The following EBF1 variants were observed in gnomAD, a reference collection of about 807,000 sequenced individuals.
EBF1 encodes the protein EBF transcription factor 1, also known as transcription factor COE1.
A neutral mutation model predicts 68.4 loss-of-function variants in EBF1; 10 were observed. The observed-to-expected ratio is 0.15, with a 90% CI of 0.09 to 0.25. EBF1 has a LOEUF of 0.25. Among genes scored for constraint, EBF1 ranks in the 10% least tolerant of loss-of-function variants. EBF1 has a pLI of 1.00. For missense variants in EBF1, 509 were observed against 794.4 expected, an observed-to-expected ratio of 0.64 and a Z score of 4.32; for synonymous variants, 298 against 299.8, an observed-to-expected ratio of 0.99 and a Z score of 0.06.
Position 159,099,612 on chromosome 5 carries a change from A to G in EBF1, c.-134T>C, listed in dbSNP as rs1236769663. On this transcript the variant is annotated 5_prime_UTR_variant, in exon 1 of 16. Transcript: ENST00000313708. Reference sequence around the variant, plus strand: ...GATTTTTTTTTTTCTCAGACGATGAACTCGCACTTAGAAGATCAAGGCGGG... The same window carrying G: ...GATTTTTTTTTTTCTCAGACGATGAGCTCGCACTTAGAAGATCAAGGCGGG... The G allele has an allele frequency of 5.9e-5, 74 of 1,248,320 alleles. No homozygotes were observed. Among genetic ancestry groups the G allele is most frequent in the Non-Finnish European group, 7.8e-5 (74 of 942,930 alleles). The allele number at this position is 1,248,320 out of a possible 1,614,324, so 77.3% of individuals were successfully genotyped here.
intron 6 of EBF1, among the ~76,000 whole-genome samples, chr5:158,995,192 G>C (rs1761154626): frequency 6.6e-6 from 1 of 152,140 alleles, no homozygotes; most frequent in African/African-American, 2.4e-5. Context: ...CATGCCAGGT[G>C]CTACCCCAGA....
intron 8 of EBF1, among the ~76,000 whole-genome samples, chr5:158,805,735 C>T (rs1337047503): frequency 2.0e-5 from 3 of 151,610 alleles, no homozygotes; most frequent in Admixed American, 2.0e-4. Context: ...GATGTTTGCC[C>T]ACAAAGATAA....
chr5:158,825,501 AAAAC>A (rs1785882512), intron 7 of EBF1, among the ~76,000 whole-genome samples: 2 of 151,778 alleles, frequency 1.3e-5, no homozygotes, highest in Admixed American at 1.3e-4. Context: ...GGAAAAAAAA[AAAAC>A]AATGACAATT....
chr5:159,078,438 A>G (rs1240627064), intron 5 of EBF1, among the ~76,000 whole-genome samples: 1 of 152,226 alleles, frequency 6.6e-6, no homozygotes, highest in African/African-American at 2.4e-5. Context: ...TGACAGTGTT[A>G]ATAAAAGAAA....
At chr5:158,730,279 G>A (rs1763832923) in intron 11 of EBF1, among the ~76,000 whole-genome samples, 1 of 152,258 alleles carries the variant, frequency 6.6e-6, no homozygotes, top group Non-Finnish European at 1.5e-5. Context: ...CAGAACGTTG[G>A]TTGCACTTTT....
chr5:158,840,020 C>A lies in EBF1; in HGVS notation c.636+9G>T. On this transcript the variant is annotated intron_variant, in intron 7 of 15. Transcript: ENST00000313708. ...TTATTGAGATTCAAGAAAGATAAGT[C>A]AGACCCACCTGGAATCTCCGCATGT... is the stretch of plus-strand genomic sequence containing the variant. 6.2e-7 allele frequency: 1 copy of A among 1,613,254 alleles called. No homozygotes were observed. The highest frequency in any genetic ancestry group is 1.1e-5 in the South Asian group (1 of 91,014).
chr5:158,793,392 A>C (rs1561942699), intron 9 of EBF1, among the ~76,000 whole-genome samples: 1 of 152,206 alleles, frequency 6.6e-6, no homozygotes, highest in African/African-American at 2.4e-5. Context: ...AAAGGCACTC[A>C]TGTAATTTTA....
In EBF1 at chr5:159,087,357, C is replaced by T. The variant is rs533127588; in HGVS notation, c.412-2618G>A. Among the ~76,000 whole-genome samples, 1,217 of 140,838 alleles carry T rather than the reference C, an allele frequency of 8.6e-3. 15 individuals carry two copies. Among genetic ancestry groups the T allele is most frequent in the African/African-American group, 0.03 (1,113 of 37,326 alleles). The allele number at this position is 140,838 out of a possible 152,430, so 92.4% of individuals were successfully genotyped here. On this transcript the variant is annotated intron_variant, in intron 4 of 15. Coordinates refer to ENST00000313708, the MANE Select transcript of EBF1 (RefSeq NM_024007.5). ...ATATACACACACATATATATATACA[C>T]ATATATATATACACACATATATATA...
At chr5:158,797,187 A>G (rs1199977159) in intron 8 of EBF1, among the ~76,000 whole-genome samples, 3 of 152,178 alleles carry the variant, frequency 2.0e-5, no homozygotes, top group African/African-American at 7.2e-5. Context: ...AAAATTTCAT[A>G]TCTCTTTTCT....
rs984558778 is a variant in EBF1, at chr5:158,927,742, G to A, written c.555-87632C>T. Reference sequence around the variant, plus strand: ...GAGATCAATGACCTTGCTGGCTTGTGTTTGGCTATCAATTATCTTTGCTAT... The same window carrying A: ...GAGATCAATGACCTTGCTGGCTTGTATTTGGCTATCAATTATCTTTGCTAT... On this transcript the variant is annotated intron_variant, in intron 6 of 15. Coordinates refer to ENST00000313708, the MANE Select transcript of EBF1 (RefSeq NM_024007.5). Among the ~76,000 whole-genome samples the A allele has an allele frequency of 3.9e-5, 6 of 152,192 alleles. No homozygotes were observed. The East Asian group carries it at 9.6e-4, about 24-fold the overall frequency.
rs77822518 is a variant in EBF1 at position 158,815,093 on chromosome 5, A to G, written c.778+8083T>C. Among the ~76,000 whole-genome samples the G allele has an allele frequency of 7.7e-3, 1,171 of 152,326 alleles. 8 individuals carry two copies. The highest frequency in any genetic ancestry group is 0.012 in the Non-Finnish European group (830 of 68,022). ...TTCTCATACTGTAATGTAACAGAGC[A>G]GTAGATTAGAGTGCAGACTTCAGCA... On this transcript the variant is annotated intron_variant, in intron 8 of 15. Transcript: ENST00000313708.
intron 6 of EBF1, among the ~76,000 whole-genome samples, chr5:158,945,340 A>T (rs1014910612): frequency 5.9e-5 from 9 of 152,210 alleles, no homozygotes; most frequent in African/African-American, 2.2e-4. Context: ...TTCTTTCCCC[A>T]TTACTTGTTT....
Position 158,704,288 on chromosome 5 carries a change from T to C in EBF1, c.1744+3691A>G, listed in dbSNP as rs367614704. On this transcript the variant is annotated intron_variant, in intron 15 of 15. Transcript: ENST00000313708. ...AGTTCTTGGGGAATAAATATGCGTG[T>C]AGTAACCGGAGGAGACTAAGGGAGT... 2.6e-5 allele frequency among the ~76,000 whole-genome samples: 4 copies of C among 152,288 alleles called. No individual in the cohort carries two copies. The South Asian group carries it at 6.2e-4, about 24-fold the overall frequency.
At chr5:158,848,999 GAGTCCAATATGT>G (rs758737711) in intron 6 of EBF1, among the ~76,000 whole-genome samples, 9 of 152,180 alleles carry the variant, frequency 5.9e-5, no homozygotes, top group Non-Finnish European at 1.2e-4. Flanking sequence ...CCTTTCCAGA[GAGTCCAATATGT>G]AGTGATGCTT....
At chr5:158,924,457 G>A (rs1207391769) in intron 6 of EBF1, among the ~76,000 whole-genome samples, 2 of 152,118 alleles carry the variant, frequency 1.3e-5, no homozygotes, top group Non-Finnish European at 2.9e-5. Flanking sequence ...GATGCAGAGG[G>A]CAAATCCTTC....
intron 11 of EBF1, among the ~76,000 whole-genome samples, chr5:158,714,831 C>A (rs374456872): frequency 6.6e-6 from 1 of 152,092 alleles, no homozygotes; most frequent in Non-Finnish European, 1.5e-5. Flanking sequence ...CAATTATTTG[C>A]TATTTCAGTA....
chr5:159,087,770 A>G (rs1780974964), intron 4 of EBF1, among the ~76,000 whole-genome samples: 1 of 152,084 alleles, frequency 6.6e-6, no homozygotes, highest in Admixed American at 6.6e-5. Context: ...ACATCTCTTC[A>G]CCAAATACCA....
chr5:158,857,084 ACT>A (rs1245785478), intron 6 of EBF1, among the ~76,000 whole-genome samples: 4 of 151,716 alleles, frequency 2.6e-5, no homozygotes, highest in African/African-American at 9.7e-5. Flanking sequence ...TCCGCCTCCT[ACT>A]CTCTGCCACA....
intron 10 of EBF1, among the ~76,000 whole-genome samples, chr5:158,731,952 C>T (rs1764176302): frequency 1.3e-5 from 2 of 152,182 alleles, no homozygotes. Flanking sequence ...TTAAATTAAA[C>T]ACAATATTAA....
Sources: gnomAD v4.1 joint callset for allele counts (sites outside exome capture counted in the v4.1 genomes callset) on GRCh38, gnomAD v4.1.1 for gene constraint, MANE v1.5 for transcripts, NCBI Gene and HGNC (gene_info 2026-07-23, HGNC 2026-07-21) for gene names.